The following KLHDC10 variants were observed in gnomAD, a reference collection of about 807,000 sequenced individuals.
The protein encoded by KLHDC10 is kelch domain-containing protein 10.
In KLHDC10, 24 loss-of-function variants were observed where a neutral mutation model predicts 56.1. The observed-to-expected ratio is 0.43, with a 90% CI of 0.31 to 0.60. The LOEUF is 0.60. KLHDC10 is among the 20% of genes least tolerant of loss of function. The pLI is 0.11. For synonymous variants in KLHDC10, 188 were observed against 207.1 expected, an observed-to-expected ratio of 0.91 and a Z score of 0.79; for missense variants, 349 against 567.0, an observed-to-expected ratio of 0.62 and a Z score of 3.91.
In KLHDC10 at chr7:130,070,755, G is replaced by T; in HGVS notation, c.112G>T (p.Gly38Trp). The change falls in exon 1 of 10, where the codon GGG (glycine) becomes TGG (tryptophan). Residue 38 changes from glycine (G) to tryptophan (W), a missense_variant. This residue lies in a region of KLHDC10 where 104 missense variants were observed against 97.0 expected (regional missense o/e 1.07). Coordinates refer to ENST00000335420, the MANE Select transcript of KLHDC10 (RefSeq NM_014997.4). ...GGGCAGTGGGGGCAGCGGGGGTCGG[G>T]GGACTGGCCAGCTCAACCGCTTCGT... Reference protein sequence around the residue: ...GGGSGGSGGRGTGQLNRFVQL... With the variant: ...GGGSGGSGGRWTGQLNRFVQL... 7.7e-7 allele frequency: 1 copy of T among 1,304,622 alleles called. No homozygotes were observed. The highest frequency in any genetic ancestry group is 9.8e-7 in the Non-Finnish European group (1 of 1,025,332). The allele number at this position is 1,304,622 out of a possible 1,614,324, so 80.8% of individuals were successfully genotyped here.
chr7:130,108,137 G>A (rs1016060002), intron 2 of KLHDC10, among the ~76,000 whole-genome samples: 2 of 151,236 alleles, frequency 1.3e-5, no homozygotes, highest in Non-Finnish European at 2.9e-5. Context: ...GCTGAGGTGG[G>A]AGAATCGCCT....
intron 1 of KLHDC10, among the ~76,000 whole-genome samples, chr7:130,075,240 C>A (rs1238147597): frequency 6.6e-6 from 1 of 152,042 alleles, no homozygotes; most frequent in African/African-American, 2.4e-5. Flanking sequence ...TGATTAAATA[C>A]CATGATTAGC....
intron 5 of KLHDC10, among the ~76,000 whole-genome samples, chr7:130,123,938 T>C (rs565651402): frequency 2.0e-4 from 30 of 152,356 alleles, no homozygotes; most frequent in African/African-American, 7.2e-4. Flanking sequence ...TTCTGCTAAA[T>C]AAGTATCTTA....
chr7:130,130,153 T>TA lies in KLHDC10; in HGVS notation c.1120-379dup, dbSNP rs762525072. Among the ~76,000 whole-genome samples the TA allele has an allele frequency of 1.3e-5, 2 of 151,632 alleles. No homozygotes were observed. The highest frequency in any genetic ancestry group is 4.8e-5 in the African/African-American group (2 of 41,242). On this transcript the variant is annotated intron_variant, in intron 9 of 9. Transcript: ENST00000335420. The surrounding 1 kb of genome is among the most constrained non-coding windows in gnomAD (Gnocchi z 4.2). The stretch of plus-strand genomic sequence containing the variant: ...AACACGGATGAAACCCCATCTCTAC[T>TA]AAAAATACAAAAAAAAATTAGCCGG...
intron 1 of KLHDC10, among the ~76,000 whole-genome samples, chr7:130,085,907 A>G (rs1049330183): frequency 6.6e-6 from 1 of 152,016 alleles, no homozygotes; most frequent in African/African-American, 2.4e-5. Context: ...CCATTAGTAC[A>G]GTACTATAAG....
rs901111358 is a variant in KLHDC10, at chr7:130,133,834, T to A, written c.*3088T>A. ...TGAAGAAAATGATGCTTTCTTCATT[T>A]AATATTTTCCACATCCTGGAAAAAC... On this transcript the variant is annotated 3_prime_UTR_variant, in exon 10 of 10. Coordinates refer to ENST00000335420, the MANE Select transcript of KLHDC10 (RefSeq NM_014997.4). The A allele has an allele frequency of 6.6e-6, 1 of 152,234 alleles. No homozygotes were observed. Among genetic ancestry groups the A allele is most frequent in the African/African-American group, 2.4e-5 (1 of 41,460 alleles). 9.4% of individuals were successfully genotyped at this position (152,234 alleles called of 1,614,324 possible).
Position 130,129,595 on chromosome 7 carries a change from A to G in KLHDC10, c.1119+19A>G, listed in dbSNP as rs1442369772. 3 of 1,609,070 alleles carry G rather than the reference A, an allele frequency of 1.9e-6. No homozygotes were observed. Among genetic ancestry groups the G allele is most frequent in the Middle Eastern group, 1.7e-4 (1 of 6,038 alleles). On this transcript the variant is annotated intron_variant, in intron 9 of 9. Coordinates refer to ENST00000335420, the MANE Select transcript of KLHDC10 (RefSeq NM_014997.4). ...TACACCAGTAAGTTTTTATTTTCATATCTTCCTTATGTAGTTACAGATGAT... is the reference window on the plus strand; with the variant it reads ...TACACCAGTAAGTTTTTATTTTCATGTCTTCCTTATGTAGTTACAGATGAT...
rs77300024 is a variant in KLHDC10, at chr7:130,072,747, A to AATTTATTTATTTATTT, written c.166+1950_166+1965dup. On this transcript the variant is annotated intron_variant, in intron 1 of 9. Transcript: ENST00000335420. ...CTTGGAGATAAAACCTTTTATTTTA[A>AATTTATTTATTTATTT]ATTTATTTATTTATTTATTTATTTA... Among the ~76,000 whole-genome samples, 67 of 148,510 alleles carry AATTTATTTATTTATTT rather than the reference A, an allele frequency of 4.5e-4. 1 individual carries two copies. Among genetic ancestry groups the AATTTATTTATTTATTT allele is most frequent in the African/African-American group, 1.2e-3 (48 of 40,680 alleles).
intron 1 of KLHDC10, among the ~76,000 whole-genome samples, chr7:130,084,036 A>C (rs775171994): frequency 6.6e-6 from 1 of 152,144 alleles, no homozygotes; most frequent in Admixed American, 6.5e-5. Flanking sequence ...GTGATTTTCA[A>C]TATCTATCCA....
At chr7:130,078,457 T>C (rs1416888281) in intron 1 of KLHDC10, among the ~76,000 whole-genome samples, 5 of 152,152 alleles carry the variant, frequency 3.3e-5, no homozygotes, top group Non-Finnish European at 7.4e-5. Flanking sequence ...ACTCCTGGGC[T>C]CAAGTGATCA....
At chr7:130,097,163 T>G (rs1243725199) in intron 2 of KLHDC10, among the ~76,000 whole-genome samples, 156 bp downstream of exon 2, 1 of 152,206 alleles carries the variant, frequency 6.6e-6, no homozygotes, top group Non-Finnish European at 1.5e-5. Context: ...TTAAACCTGT[T>G]TCTTGTTGGC....
chr7:130,104,571 T>G (rs1310165987), intron 2 of KLHDC10, among the ~76,000 whole-genome samples: 1 of 152,208 alleles, frequency 6.6e-6, no homozygotes, highest in African/African-American at 2.4e-5. Context: ...TGCACTGGTA[T>G]AAATAAATAC....
intron 2 of KLHDC10, among the ~76,000 whole-genome samples, chr7:130,104,633 A>G (rs1795984054): frequency 6.6e-6 from 1 of 152,232 alleles, no homozygotes; most frequent in Non-Finnish European, 1.5e-5. Context: ...ACGGTTCTGC[A>G]GGCTGTATAG....
intron 2 of KLHDC10, among the ~76,000 whole-genome samples, chr7:130,111,740 A>T (rs528347589): frequency 6.6e-6 from 1 of 152,290 alleles, no homozygotes; most frequent in Admixed American, 6.5e-5. Context: ...AGAAAAAAAA[A>T]TTACACAATG....
Position 130,130,050 on chromosome 7 carries a change from C to T in KLHDC10, c.1119+474C>T, listed in dbSNP as rs985758196. Among the ~76,000 whole-genome samples the T allele has an allele frequency of 3.9e-5, 6 of 152,076 alleles. No homozygotes were observed. The highest frequency in any genetic ancestry group is 3.9e-4 in the Admixed American group (6 of 15,270). ...CATATATATAGGCCGGGCGCGGTGG[C>T]TCAGGCCTGTAATCCCAGCACTTTG... On this transcript the variant is annotated intron_variant, in intron 9 of 9. Coordinates refer to ENST00000335420, the MANE Select transcript of KLHDC10 (RefSeq NM_014997.4). This position sits in a 1 kb window ranked among gnomAD's most constrained non-coding sequence, Gnocchi z 4.2.
intron 1 of KLHDC10, 90 bp from the exon 2 acceptor site, chr7:130,096,831 C>A: frequency 1.1e-6 from 1 of 870,338 alleles, no homozygotes. Context: ...GTTTTGTTTC[C>A]TGTTTTTCTG....
chr7:130,080,626 A>C (rs994866403), intron 1 of KLHDC10, among the ~76,000 whole-genome samples: 5 of 152,002 alleles, frequency 3.3e-5, no homozygotes, highest in African/African-American at 1.2e-4. Flanking sequence ...TGAATTCCCA[A>C]GCTCAAGCAA....
At chr7:130,108,252 C>T (rs991420912) in intron 2 of KLHDC10, among the ~76,000 whole-genome samples, 4 of 150,928 alleles carry the variant, frequency 2.7e-5, no homozygotes, top group African/African-American at 7.3e-5. Context: ...AGAAACTATA[C>T]TCATGGACAT....
At chr7:130,122,012 G>A (rs745882349) in intron 4 of KLHDC10, 42 bp from the exon 5 acceptor site, 4 of 1,572,152 alleles carry the variant, frequency 2.5e-6, no homozygotes, top group African/African-American at 2.7e-5. Context: ...CTTTAATCAA[G>A]TGTTAACAAG....
Sources: allele counts gnomAD v4.1 joint callset (sites outside exome capture counted in the v4.1 genomes callset), GRCh38; gene constraint gnomAD v4.1.1; regional missense constraint gnomAD v4.1.1; non-coding constraint Gnocchi (gnomAD v3.1); transcripts MANE v1.5; gene names NCBI Gene and HGNC (gene_info 2026-07-23, HGNC 2026-07-21).